The following UBR3 variants were observed in gnomAD, a reference collection of about 807,000 sequenced individuals.
The protein encoded by UBR3 is ubiquitin protein ligase E3 component n-recognin 3.
UBR3 carries 85 observed loss-of-function variants against 243.2 expected under a neutral mutation model. That is an observed-to-expected ratio of 0.35 (90% CI 0.29 to 0.42). The LOEUF is 0.42. UBR3 is among the 10% of genes least tolerant of loss of function. The pLI, the probability that UBR3 is intolerant of heterozygous loss-of-function variation, is 1.00. For synonymous variants in UBR3, 748 were observed against 799.8 expected (o/e 0.94, Z 1.09); for missense variants, 1,686 against 2,300.8 (o/e 0.73, Z 5.47).
chr2:170,068,374 A>C (rs1345119127), intron 35 of UBR3, among the ~76,000 whole-genome samples: 1 of 152,142 alleles, frequency 6.6e-6, no homozygotes, highest in Non-Finnish European at 1.5e-5. Flanking sequence ...AGGCTGAGGC[A>C]GGAGAATCAC....
intron 1 of UBR3, among the ~76,000 whole-genome samples, chr2:169,837,043 G>GT (rs1439260795): frequency 6.6e-6 from 1 of 151,976 alleles, no homozygotes; most frequent in African/African-American, 2.4e-5. Context: ...CTTCACCTTG[G>GT]TTTAAAAAAA....
chr2:169,864,906 CAAAAAAAAAAAA>C (rs11336906), intron 1 of UBR3, among the ~76,000 whole-genome samples: 4 of 64,840 alleles, frequency 6.2e-5, no homozygotes, highest in Admixed American at 3.4e-4. Flanking sequence ...GACTCCGTCT[CAAAAAAAAAAAA>C]AAAAAAAAAA....
At chr2:170,011,189 G>A (rs865833461) in intron 29 of UBR3, among the ~76,000 whole-genome samples, 4 of 151,896 alleles carry the variant, frequency 2.6e-5, no homozygotes, top group Admixed American at 6.6e-5. Context: ...TAAAAAATAA[G>A]ATAAACAAAT....
chr2:169,960,308 A>G (rs558740196), intron 24 of UBR3, among the ~76,000 whole-genome samples: 1 of 152,132 alleles, frequency 6.6e-6, no homozygotes, highest in African/African-American at 2.4e-5. Context: ...ATGAAACGTA[A>G]ATGAATTTTG....
chr2:169,953,904 A>T (rs1463447000), intron 23 of UBR3, among the ~76,000 whole-genome samples: 2 of 152,226 alleles, frequency 1.3e-5, no homozygotes, highest in East Asian at 3.9e-4. Context: ...TGTTGCTCAT[A>T]GCATTTTTGG....
chr2:169,947,754 T>G, intron 22 of UBR3, 39 bp downstream of exon 22: 1 of 1,383,736 alleles, frequency 7.2e-7, no homozygotes, highest in Non-Finnish European at 9.4e-7. Flanking sequence ...GAAAAAGCTT[T>G]ATGTTATGTA....
rs968819966 is a variant in UBR3 at position 169,827,637 on chromosome 2, A to G, written c.130A>G (p.Asn44Asp). 5 of 1,265,004 alleles carry G rather than the reference A, an allele frequency of 4.0e-6. No homozygotes were observed. Among genetic ancestry groups the G allele is most frequent in the African/African-American group, 1.6e-5 (1 of 64,210 alleles). The allele number at this position is 1,265,004 out of a possible 1,614,324, so 78.4% of individuals were successfully genotyped here. ...CAAGGCGGCCCTCAGCCGGCCGGAC[A>G]ACCGCGCAGGTGCTGAGGAGCTGCA... Reference protein sequence around the residue: ...HLKAALSRPDNRAGAEELQAL... With the variant: ...HLKAALSRPDDRAGAEELQAL... The change falls in exon 1 of 39, where the codon AAC becomes GAC. Residue 44 changes from asparagine to aspartate, a missense_variant. This residue lies in a region of UBR3 where 79 missense variants were observed against 73.2 expected (regional missense o/e 1.08). Coordinates refer to ENST00000272793, the MANE Select transcript of UBR3 (RefSeq NM_172070.4).
intron 1 of UBR3, among the ~76,000 whole-genome samples, chr2:169,857,585 G>GT (rs55952322): frequency 7.9e-4 from 113 of 143,384 alleles, no homozygotes; most frequent in Middle Eastern, 3.5e-3. Context: ...TCTGACTAAT[G>GT]TTTTTTTTTT....
At chr2:169,909,741 GTA>G (rs34263331) in intron 10 of UBR3, among the ~76,000 whole-genome samples, 22 of 149,494 alleles carry the variant, frequency 1.5e-4, no homozygotes, top group African/African-American at 2.2e-4. Context: ...GTGTGTGTGT[GTA>G]TATATATATA....
chr2:169,962,533 C>T (rs73975705), intron 24 of UBR3, among the ~76,000 whole-genome samples: 8,266 of 152,160 alleles, frequency 0.054, 405 homozygotes, highest in African/African-American at 0.13. Flanking sequence ...TGTTATACAG[C>T]AATACTTTCC....
intron 24 of UBR3, among the ~76,000 whole-genome samples, chr2:169,965,369 G>A (rs1376519031): frequency 6.6e-6 from 1 of 152,062 alleles, no homozygotes; most frequent in Non-Finnish European, 1.5e-5. Context: ...TAAATAATCT[G>A]TATAGTAGTA....
intron 8 of UBR3, among the ~76,000 whole-genome samples, chr2:169,898,620 A>G (rs1445664345): frequency 6.8e-6 from 1 of 146,906 alleles, no homozygotes; most frequent in African/African-American, 2.5e-5. Flanking sequence ...CATTGTAGGT[A>G]TAGTGGGAGC....
At chr2:170,041,300 A>G (rs1311709227) in intron 32 of UBR3, among the ~76,000 whole-genome samples, 2 of 152,220 alleles carry the variant, frequency 1.3e-5, no homozygotes, top group Admixed American at 1.3e-4. Flanking sequence ...TGACAATGAA[A>G]AAGTGTTTTT....
At chr2:170,057,875 G>A (rs1256874365) in intron 33 of UBR3, among the ~76,000 whole-genome samples, 1 of 152,066 alleles carries the variant, frequency 6.6e-6, no homozygotes, top group Non-Finnish European at 1.5e-5. Flanking sequence ...ACGATAGTCT[G>A]TAGGTTGATT....
intron 13 of UBR3, among the ~76,000 whole-genome samples, chr2:169,924,389 A>G (rs2085823935): frequency 6.6e-6 from 1 of 152,082 alleles, no homozygotes; most frequent in African/African-American, 2.4e-5. Flanking sequence ...TTTTCATGAT[A>G]TTTGCTTATG....
chr2:170,034,592 TG>T (rs2090774388), intron 31 of UBR3, among the ~76,000 whole-genome samples: 1 of 152,042 alleles, frequency 6.6e-6, no homozygotes, highest in African/African-American at 2.4e-5. Flanking sequence ...GACATTTGGT[TG>T]CTTCGAAGTT....
At chr2:170,016,124 A>G (rs1377357810) in intron 30 of UBR3, among the ~76,000 whole-genome samples, 1 of 151,912 alleles carries the variant, frequency 6.6e-6, no homozygotes, top group Non-Finnish European at 1.5e-5. Flanking sequence ...ATTCTCAAAT[A>G]CTAAAAAATA....
intron 1 of UBR3, among the ~76,000 whole-genome samples, chr2:169,837,729 G>A (rs2082155281): frequency 6.6e-6 from 1 of 152,156 alleles, no homozygotes; most frequent in African/African-American, 2.4e-5. Flanking sequence ...CCATCATCCA[G>A]TTACCTCCAC....
intron 28 of UBR3, 65 bp downstream of exon 28, chr2:170,007,255 A>G: frequency 2.0e-6 from 3 of 1,498,412 alleles, no homozygotes; most frequent in South Asian, 2.5e-5. Context: ...CTTTCATTTT[A>G]ATTCAGTTTA....
Sources: allele counts gnomAD v4.1 joint callset (sites outside exome capture counted in the v4.1 genomes callset), GRCh38; gene constraint gnomAD v4.1.1; regional missense constraint gnomAD v4.1.1; transcripts MANE v1.5; gene names NCBI Gene and HGNC (gene_info 2026-07-23, HGNC 2026-07-21).